The following GBF1 variants were observed in gnomAD, a reference collection of about 807,000 sequenced individuals.
GBF1 encodes the protein Golgi-specific brefeldin A-resistance guanine nucleotide exchange factor 1.
GBF1 carries 114 observed loss-of-function variants against 210.5 expected under a neutral mutation model. The observed-to-expected ratio is 0.54, with a 90% CI of 0.47 to 0.63. The LOEUF (loss-of-function observed/expected upper bound fraction) is 0.63. Ranked by LOEUF, GBF1 falls within the 30% of genes least tolerant of loss-of-function variation. GBF1 has a pLI of 0.00. For synonymous variants in GBF1, 850 were observed against 889.2 expected, an observed-to-expected ratio of 0.96 and a Z score of 0.78; for missense variants, 1,851 against 2,357.7, an observed-to-expected ratio of 0.79 and a Z score of 4.45.
the GBF1 span, among the ~76,000 whole-genome samples, chr10:102,232,310 A>G: frequency 3.3e-5 from 5 of 152,120 alleles, no homozygotes; most frequent in African/African-American, 1.2e-4. Flanking sequence ...TATAAACTAG[A>G]CTTCGTTTCG....
chr10:102,343,360 A>G (rs2058324361), intron 3 of GBF1, among the ~76,000 whole-genome samples: 1 of 152,192 alleles, frequency 6.6e-6, no homozygotes, highest in Non-Finnish European at 1.5e-5. Flanking sequence ...TCTACCCAAG[A>G]TGACGTTACC....
intron 1 of GBF1, among the ~76,000 whole-genome samples, chr10:102,247,025 C>T (rs2070920831): frequency 6.6e-6 from 1 of 152,156 alleles, no homozygotes; most frequent in Non-Finnish European, 1.5e-5. Context: ...ACTCAATAAA[C>T]GTTATCTCTA....
At chr10:102,330,024 C>T (rs1433326791) in intron 3 of GBF1, among the ~76,000 whole-genome samples, 1 of 152,156 alleles carries the variant, frequency 6.6e-6, no homozygotes, top group African/African-American at 2.4e-5. Context: ...GTCTTAGCCA[C>T]TCAGGAGTCT....
At chr10:102,376,021 T>C (rs927819970) in intron 30 of GBF1, among the ~76,000 whole-genome samples, 13 of 151,960 alleles carry the variant, frequency 8.6e-5, no homozygotes, top group African/African-American at 2.9e-4. Flanking sequence ...TTATTTGTCC[T>C]TGCCACCACT....
chr10:102,370,063 C>T, intron 26 of GBF1, 79 bp downstream of exon 26: 1 of 1,573,588 alleles, frequency 6.4e-7, no homozygotes, highest in Non-Finnish European at 8.7e-7. Flanking sequence ...AAGAATAAAT[C>T]ATCCAGGATT....
chr10:102,275,449 G>A (rs762617872), intron 3 of GBF1, among the ~76,000 whole-genome samples: 14 of 152,130 alleles, frequency 9.2e-5, no homozygotes, highest in South Asian at 4.1e-4. Flanking sequence ...CAGAGAGACC[G>A]TCCCCTTGTG....
chr10:102,281,394 T>G (rs2075461773), intron 3 of GBF1, among the ~76,000 whole-genome samples: 1 of 152,130 alleles, frequency 6.6e-6, no homozygotes, highest in Non-Finnish European at 1.5e-5. Context: ...CTACCTACCT[T>G]ACCAACAATC....
chr10:102,325,375 C>G (rs762264536), intron 3 of GBF1, among the ~76,000 whole-genome samples: 4 of 151,930 alleles, frequency 2.6e-5, no homozygotes, highest in Non-Finnish European at 5.9e-5. Context: ...AATGGTGAAA[C>G]CCCGTCTCTA....
the GBF1 span, chr10:102,231,694 T>G: frequency 6.2e-7 from 1 of 1,611,386 alleles, no homozygotes; most frequent in Non-Finnish European, 8.5e-7. Flanking sequence ...CTGTAGCTGC[T>G]GGCTGGTGAA....
intron 3 of GBF1, among the ~76,000 whole-genome samples, chr10:102,276,429 G>A (rs1028260435): frequency 1.3e-5 from 2 of 151,288 alleles, no homozygotes; most frequent in African/African-American, 4.9e-5. Context: ...AGGAGTCTGA[G>A]GCAGGAGAAT....
At chr10:102,255,804 T>C (rs147669678) in intron 1 of GBF1, among the ~76,000 whole-genome samples, 1 of 152,352 alleles carries the variant, frequency 6.6e-6, no homozygotes, top group Non-Finnish European at 1.5e-5. Context: ...TTGACACTTC[T>C]CAGAAGAGAA....
chr10:102,371,506 A>G (rs2060203313), intron 29 of GBF1, among the ~76,000 whole-genome samples: 1 of 152,244 alleles, frequency 6.6e-6, no homozygotes, highest in Non-Finnish European at 1.5e-5. Flanking sequence ...CCCCAAATTG[A>G]TCTGTAAATT....
intron 3 of GBF1, among the ~76,000 whole-genome samples, chr10:102,294,305 T>C (rs749481034): frequency 4.6e-5 from 7 of 152,000 alleles, no homozygotes; most frequent in Non-Finnish European, 1.0e-4. Flanking sequence ...CACTGACTTA[T>C]CCAGAGCAAC....
rs1268113562 is a variant in GBF1 at position 102,248,442 on chromosome 10, T to C, written c.-11+2661T>C. The stretch of plus-strand genomic sequence containing the variant: ...GAAATTACGATAGATGCAATAGTAG[T>C]GTAAATGATCATGGAAGTATGATGG... On this transcript the variant is annotated intron_variant, in intron 1 of 39. Coordinates refer to ENST00000369983, the MANE Select transcript of GBF1 (RefSeq NM_001377137.1). Among the ~76,000 whole-genome samples, 150 of 152,144 alleles carry C rather than the reference T, an allele frequency of 9.9e-4. 3 individuals are homozygous for C. Among genetic ancestry groups the C allele is most frequent in the Non-Finnish European group, 1.3e-4 (9 of 68,030 alleles).
upstream of GBF1, among the ~76,000 whole-genome samples, chr10:102,245,364 C>T (rs375458460): frequency 6.6e-6 from 1 of 152,278 alleles, no homozygotes. Context: ...CCTAACATAC[C>T]CTTTCTTTCC....
rs1304734965 is a variant in GBF1 at position 102,340,377 on chromosome 10, A to G, written c.164-3674A>G. On this transcript the variant is annotated intron_variant, in intron 3 of 39. Transcript: ENST00000369983. ...AAGCTCTGCCTCCCAGGTTCACGCC[A>G]TTCTCCTGCCTCAGCCTTCCTGAGT... Among the ~76,000 whole-genome samples the G allele has an allele frequency of 3.5e-5, 5 of 142,460 alleles. No individual in the cohort carries two copies. The East Asian group carries it at 1.0e-3, about 29-fold the overall frequency. The allele number at this position is 142,460 out of a possible 152,430, so 93.5% of individuals were successfully genotyped here.
intron 3 of GBF1, among the ~76,000 whole-genome samples, chr10:102,261,363 C>A (rs2073192301): frequency 6.6e-6 from 1 of 152,104 alleles, no homozygotes; most frequent in South Asian, 2.1e-4. Context: ...AAAGGGACAG[C>A]CTCAGAGCTA....
chr10:102,274,729 T>TTTTTTA (rs1491304100), intron 3 of GBF1, among the ~76,000 whole-genome samples: 2 of 102,664 alleles, frequency 1.9e-5, no homozygotes, highest in African/African-American at 4.0e-5. Flanking sequence ...TTTTTTTTTT[T>TTTTTTA]GAGAGGGAGT....
rs1000613360 is a variant in GBF1 at position 102,382,422 on chromosome 10, TTCAGGCCAAG to T, written c.*91_*100del. ...TGGCTGTCCTGCGGGCCACAAGCTC[TTCAGGCCAAG>T]TCAGAGCTGCTGTTGCTGCCACTTG... is the stretch of plus-strand genomic sequence containing the variant. On this transcript the variant is annotated 3_prime_UTR_variant, in exon 40 of 40. Transcript: ENST00000369983. 13 of 1,240,050 alleles carry T rather than the reference TTCAGGCCAAG, an allele frequency of 1.0e-5. No homozygotes were observed. The African/African-American group carries it at 2.0e-4, about 19-fold the overall frequency. 76.8% of individuals were successfully genotyped at this position (1,240,050 alleles called of 1,614,324 possible).
Sources: allele counts gnomAD v4.1 joint callset (sites outside exome capture counted in the v4.1 genomes callset), GRCh38; gene constraint gnomAD v4.1.1; transcripts MANE v1.5; gene names NCBI Gene and HGNC (gene_info 2026-07-23, HGNC 2026-07-21).